The following MITF variants were observed in gnomAD, a reference collection of about 807,000 sequenced individuals.
MITF encodes the protein microphthalmia-associated transcription factor.
In MITF, 17 loss-of-function variants were observed where a neutral mutation model predicts 60.5. The ratio of observed to expected loss-of-function variants is 0.28; its 90% CI spans 0.19 to 0.42. MITF has a LOEUF of 0.42. MITF is among the 10% of genes least tolerant of loss of function. The probability of loss-of-function intolerance (pLI) is 1.00; values close to 1 mark genes in which losing one functional copy is unlikely to be tolerated. For missense variants in MITF, 622 were observed against 683.5 expected (o/e 0.91, Z 1.00); for synonymous variants, 260 against 248.5 (o/e 1.05, Z -0.43).
At chr3:69,752,267 AC>A (rs2106772404) in intron 1 of MITF, 1 of 152,410 alleles carries the variant, frequency 6.6e-6, no homozygotes, top group Non-Finnish European at 1.5e-5. Flanking sequence ...TGTGGAAGCA[AC>A]TTTGGAATTG....
Position 69,824,415 on chromosome 3 carries a change from T to G in MITF, c.105-54719T>G, listed in dbSNP as rs549361562. Among the ~76,000 whole-genome samples the G allele has an allele frequency of 2.0e-5, 3 of 152,338 alleles. No individual in the cohort carries two copies. In the South Asian group the frequency reaches 6.2e-4, roughly 32 times the overall value. On this transcript the variant is annotated intron_variant, in intron 1 of 9. Transcript: ENST00000352241. ...TGCTTCCTCTAGGTTCTATGATGAT[T>G]ATCAATTTATTGCCTCTCAGGTCCA...
At chr3:69,836,733 G>C (rs1178940134) in intron 1 of MITF, among the ~76,000 whole-genome samples, 1 of 152,118 alleles carries the variant, frequency 6.6e-6, no homozygotes, top group African/African-American at 2.4e-5. Flanking sequence ...GTGCTGCCTT[G>C]CTTTGTTAAA....
chr3:69,850,566 C>G (rs1198212162), intron 1 of MITF, among the ~76,000 whole-genome samples: 1 of 152,106 alleles, frequency 6.6e-6, no homozygotes, highest in Non-Finnish European at 1.5e-5. Flanking sequence ...GTGACTATTG[C>G]AGAGAAACAA....
chr3:69,809,625 C>T (rs796484333), intron 1 of MITF, among the ~76,000 whole-genome samples: 3 of 144,458 alleles, frequency 2.1e-5, no homozygotes, highest in East Asian at 2.1e-4. Flanking sequence ...GAACTAAGTA[C>T]ATTTTTTTTT....
intron 1 of MITF, among the ~76,000 whole-genome samples, chr3:69,803,152 A>T (rs1344950561): frequency 6.6e-6 from 1 of 152,232 alleles, no homozygotes; most frequent in Non-Finnish European, 1.5e-5. Flanking sequence ...CATTTCTGAC[A>T]TGAAACATAA....
chr3:69,929,035 C>T (rs1462472752), intron 2 of MITF, among the ~76,000 whole-genome samples: 1 of 152,180 alleles, frequency 6.6e-6, no homozygotes, highest in Non-Finnish European at 1.5e-5. Flanking sequence ...GGCCTGAAGA[C>T]TTAGTTCCTC....
At chr3:69,832,408 A>G (rs905836711) in intron 1 of MITF, among the ~76,000 whole-genome samples, 1 of 152,220 alleles carries the variant, frequency 6.6e-6, no homozygotes, top group Non-Finnish European at 1.5e-5. Flanking sequence ...CCAAACATCT[A>G]CTATGTGTTA....
In MITF at chr3:69,941,219, T is replaced by A; in HGVS notation, c.667-17T>A. 6.5e-7 allele frequency: 1 copy of A among 1,543,896 alleles called. No individual in the cohort carries two copies. Among genetic ancestry groups the A allele is most frequent in the Non-Finnish European group, 9.0e-7 (1 of 1,116,582 alleles). ...TTATTTATTTTTGTCTCTCTTCTCT[T>A]ACCCTTTTTCCTACAGATGGATGAT... is the stretch of plus-strand genomic sequence containing the variant. On this transcript the variant is annotated splice_polypyrimidine_tract_variant and intron_variant, in intron 4 of 9. Coordinates refer to ENST00000352241, the MANE Select transcript of MITF (RefSeq NM_001354604.2).
intron 1 of MITF, among the ~76,000 whole-genome samples, chr3:69,793,121 T>G (rs925965121): frequency 6.8e-6 from 1 of 148,052 alleles, no homozygotes; most frequent in Non-Finnish European, 1.5e-5. Flanking sequence ...CGAAGTGATC[T>G]TCCCACTTCA....
intron 1 of MITF, among the ~76,000 whole-genome samples, chr3:69,824,197 A>T (rs1373187686): frequency 6.6e-6 from 1 of 152,190 alleles, no homozygotes; most frequent in Non-Finnish European, 1.5e-5. Flanking sequence ...ACCCCAGGAA[A>T]CAAGAGCCCT....
rs1397739654 is a variant in MITF, at chr3:69,967,874, GA to G, written c.*2627del. The G allele has an allele frequency of 4.3e-6, 1 of 233,168 alleles. No homozygotes were observed. Among genetic ancestry groups the G allele is most frequent in the East Asian group, 6.0e-5 (1 of 16,558 alleles). The allele number at this position is 233,168 out of a possible 1,614,324, so 14.4% of individuals were successfully genotyped here. On this transcript the variant is annotated 3_prime_UTR_variant, in exon 10 of 10. Coordinates refer to ENST00000352241, the MANE Select transcript of MITF (RefSeq NM_001354604.2). ...TAACTCGGGGTTGGGCCTCTATATG[GA>G]GTGACCAAAATGCCAAAATTGTCCA...
At chr3:69,809,433 G>C (rs1040351189) in intron 1 of MITF, among the ~76,000 whole-genome samples, 2 of 152,134 alleles carry the variant, frequency 1.3e-5, no homozygotes, top group African/African-American at 4.8e-5. Flanking sequence ...CCTTGAAGGA[G>C]TTAAGGTATG....
chr3:69,936,018 C>T (rs996969268), intron 2 of MITF, among the ~76,000 whole-genome samples: 8 of 152,084 alleles, frequency 5.3e-5, no homozygotes, highest in Non-Finnish European at 1.0e-4. Flanking sequence ...ATATCCACTT[C>T]TGTGTGTGCT....
chr3:69,827,732 CTT>C (rs980444802), intron 1 of MITF, among the ~76,000 whole-genome samples: 1 of 147,434 alleles, frequency 6.8e-6, no homozygotes, highest in Non-Finnish European at 1.5e-5. Flanking sequence ...TTTATTTTCC[CTT>C]TTTTTTTTGA....
At chr3:69,959,240 A>G in intron 8 of MITF, 33 bp from the exon 9 acceptor site, 1 of 1,612,634 alleles carries the variant, frequency 6.2e-7, no homozygotes, top group Non-Finnish European at 8.5e-7. Flanking sequence ...CTCAAATCCT[A>G]AAAATATCTG....
At position 69,870,281 on chromosome 3, in the gene MITF, C is replaced by CACGT. The variant is rs754589565; in HGVS notation, c.105-8853_105-8852insACGT. 1.1e-3 allele frequency among the ~76,000 whole-genome samples: 167 copies of CACGT among 146,992 alleles called. No homozygotes were observed. In the Middle Eastern group the frequency reaches 0.014, roughly 13 times the overall value. ...GGATACACACACACACACACACACACGTGTGTGTGTTTATATATATACACA... is the reference window on the plus strand; with the variant it reads ...GGATACACACACACACACACACACACACGTGTGTGTGTGTTTATATATATACACA... On this transcript the variant is annotated intron_variant, in intron 1 of 9. Transcript: ENST00000352241.
intron 1 of MITF, among the ~76,000 whole-genome samples, chr3:69,795,203 T>G (rs2062808514): frequency 6.6e-6 from 1 of 152,234 alleles, no homozygotes; most frequent in Non-Finnish European, 1.5e-5. Context: ...GATTTTCTTT[T>G]AAAATCTTAA....
intron 1 of MITF, among the ~76,000 whole-genome samples, chr3:69,808,849 C>T (rs1483847077): frequency 6.6e-6 from 1 of 152,008 alleles, no homozygotes; most frequent in East Asian, 1.9e-4. Context: ...ATCACATGAT[C>T]AGATGTGCTT....
intron 2 of MITF, among the ~76,000 whole-genome samples, chr3:69,886,065 A>AT (rs1210602094): frequency 2.0e-5 from 3 of 152,006 alleles, no homozygotes; most frequent in African/African-American, 7.2e-5. Flanking sequence ...CAGGATTTGA[A>AT]CTCATATAGT....
Sources: gnomAD v4.1 joint callset for allele counts (sites outside exome capture counted in the v4.1 genomes callset) on GRCh38, gnomAD v4.1.1 for gene constraint, MANE v1.5 for transcripts, NCBI Gene and HGNC (gene_info 2026-07-23, HGNC 2026-07-21) for gene names.